LYST: variants seen among roughly 807,000 people sequenced by gnomAD.
LYST encodes lysosomal trafficking regulator.
LYST carries 192 observed loss-of-function variants against 413.6 expected under a neutral mutation model. That is an observed-to-expected ratio of 0.46 (90% CI 0.41 to 0.52). The LOEUF is 0.52. Among genes scored for constraint, LYST ranks in the 20% least tolerant of loss-of-function variants. The probability of loss-of-function intolerance (pLI) is 0.00; values close to 1 mark genes in which losing one functional copy is unlikely to be tolerated. For synonymous variants in LYST, 1,525 were observed against 1,567.3 expected (o/e 0.97, Z 0.64); for missense variants, 3,815 against 4,499.9 (o/e 0.85, Z 4.35).
At chr1:235,718,796 A>G (rs1663076137) in intron 40 of LYST, among the ~76,000 whole-genome samples, 1 of 152,224 alleles carries the variant, frequency 6.6e-6, no homozygotes, top group South Asian at 2.1e-4. Context: ...CTGTTCCTTT[A>G]ATTGCCAAAT....
At chr1:235,698,735 T>C (rs1422433469) in intron 45 of LYST, among the ~76,000 whole-genome samples, 1 of 151,838 alleles carries the variant, frequency 6.6e-6, no homozygotes, top group Non-Finnish European at 1.5e-5. Flanking sequence ...TAACTGGGCG[T>C]GGTGGCGGGT....
At chr1:235,866,686 A>G (rs1259048929) in intron 1 of LYST, among the ~76,000 whole-genome samples, 157 bp downstream of exon 1, 1 of 148,688 alleles carries the variant, frequency 6.7e-6, no homozygotes, top group Non-Finnish European at 1.5e-5. Context: ...CGTCAGGCCG[A>G]GTGCCCTCGC....
chr1:235,760,765 C>G (rs978625188), intron 22 of LYST, among the ~76,000 whole-genome samples: 4 of 152,200 alleles, frequency 2.6e-5, no homozygotes, highest in Non-Finnish European at 5.9e-5. Flanking sequence ...AGAGCATAGA[C>G]TCTGTGGCAA....
At chr1:235,873,300 C>T (rs1277084491) in intron 1 of LYST, among the ~76,000 whole-genome samples, 1 of 152,202 alleles carries the variant, frequency 6.6e-6, no homozygotes, top group Non-Finnish European at 1.5e-5. Flanking sequence ...GTTCTACTTT[C>T]ATATATAGAA....
intron 31 of LYST, chr1:235,735,386 A>G (rs1005699540): frequency 2.0e-5 from 3 of 152,138 alleles, no homozygotes; most frequent in Admixed American, 1.3e-4. Context: ...GTATGTATCC[A>G]TGGCAGAGTT....
At chr1:235,692,070 C>T (rs566102490) in intron 47 of LYST, among the ~76,000 whole-genome samples, 8 of 150,816 alleles carry the variant, frequency 5.3e-5, no homozygotes, top group African/African-American at 1.9e-4. Context: ...CAGTGGCTCA[C>T]GCATGTAATC....
At chr1:235,838,537 T>A (rs1191579311) in intron 1 of LYST, among the ~76,000 whole-genome samples, 1 of 152,240 alleles carries the variant, frequency 6.6e-6, no homozygotes, top group Non-Finnish European at 1.5e-5. Flanking sequence ...TCTTTAAAAA[T>A]GATCTCTAGA....
intron 3 of LYST, chr1:235,828,254 G>A: frequency 3.1e-6 from 2 of 638,882 alleles, no homozygotes; most frequent in Non-Finnish European, 3.9e-6. Flanking sequence ...ATTAGTGTTT[G>A]CTTAGGGGTA....
At chr1:235,734,317 A>AT (rs1367281680) in intron 32 of LYST, among the ~76,000 whole-genome samples, 166 bp downstream of exon 32, 2 of 152,212 alleles carry the variant, frequency 1.3e-5, no homozygotes, top group African/African-American at 2.4e-5. Context: ...AAATAAGCCT[A>AT]TTTTTTCTCA....
intron 43 of LYST, among the ~76,000 whole-genome samples, chr1:235,710,137 T>C (rs1662297390): frequency 6.6e-6 from 1 of 152,240 alleles, no homozygotes; most frequent in African/African-American, 2.4e-5. Flanking sequence ...ATTAAGTTGC[T>C]GTCTGTCTAC....
At position 235,806,449 on chromosome 1, in the gene LYST, T is replaced by C. The variant is rs139217636; in HGVS notation, c.2687A>G (p.Asn896Ser). Residue 896 changes from asparagine (N) to serine (S), a missense_variant, in exon 6 of 53, where the codon AAC (asparagine) becomes AGC (serine). Physicochemically the swap from Asn to Ser is conservative, Grantham distance 46. This residue lies in a region of LYST where 1,648 missense variants were observed against 1,810.3 expected (regional missense o/e 0.91). Coordinates refer to ENST00000389793, the MANE Select transcript of LYST (RefSeq NM_000081.4). The part of the protein sequence containing the change: ...RKTVNQDVHI[N>S]TINLFLCVAF... ...CACACAGAGGAATAGGTTTATTGTGTTGATATGAACATCTTGGTTAACAGT... is the reference window on the plus strand; with the variant it reads ...CACACAGAGGAATAGGTTTATTGTGCTGATATGAACATCTTGGTTAACAGT... 1.1e-5 allele frequency: 17 copies of C among 1,614,008 alleles called. No individual in the cohort carries two copies. Among genetic ancestry groups the C allele is most frequent in the Non-Finnish European group, 1.4e-5 (16 of 1,179,996 alleles).
At chr1:235,723,059 A>T (rs1398208166) in intron 39 of LYST, among the ~76,000 whole-genome samples, 4 of 152,240 alleles carry the variant, frequency 2.6e-5, no homozygotes, top group Non-Finnish European at 5.9e-5. Context: ...GGACAGAGCC[A>T]ACAGAACCTA....
rs757494655 is a variant in LYST, at chr1:235,774,927, A to T, written c.5620T>A (p.Phe1874Ile). 2.5e-6 allele frequency: 4 copies of T among 1,608,580 alleles called. No individual in the cohort carries two copies. The Admixed American group carries it at 6.7e-5, about 27-fold the overall frequency. ...TGAAGACATACCTTCAAAATGTAAA[A>T]CCCAACAATGCATTTTTGTTTGATC... ...VLIKQKCIVG[F>I]YILKTLLEGC... The change falls in exon 18 of 53, where the codon TTT (phenylalanine) becomes ATT (isoleucine). Residue 1874 changes from phenylalanine to isoleucine, a missense_variant. Phe to Ile is a conservative substitution (Grantham distance 21, BLOSUM62 0). Coordinates refer to ENST00000389793, the MANE Select transcript of LYST (RefSeq NM_000081.4).
In LYST at chr1:235,741,636, C is replaced by T. The variant is rs569497153; in HGVS notation, c.8152-8G>A. 6.2e-6 allele frequency: 10 copies of T among 1,601,886 alleles called. No homozygotes were observed. The East Asian group carries it at 2.0e-4, about 32-fold the overall frequency. ...ACTGGCTTTACTTGAACCCTAAAATCAATCAAGATAGGAATGAATTAGGAT... is the reference window on the plus strand; with the variant it reads ...ACTGGCTTTACTTGAACCCTAAAATTAATCAAGATAGGAATGAATTAGGAT... On this transcript the variant is annotated splice_region_variant and splice_polypyrimidine_tract_variant and intron_variant, in intron 30 of 52. Coordinates refer to ENST00000389793, the MANE Select transcript of LYST (RefSeq NM_000081.4).
chr1:235,871,990 T>TA (rs1246989561), intron 1 of LYST, among the ~76,000 whole-genome samples: 17 of 152,172 alleles, frequency 1.1e-4, no homozygotes, highest in African/African-American at 3.6e-4. Flanking sequence ...CAAATTTATT[T>TA]AATCAGAGTT....
chr1:235,780,922 A>G lies in LYST; in HGVS notation c.5157T>C (p.Cys1719=), dbSNP rs376645618. The G allele has an allele frequency of 1.0e-5, 16 of 1,591,488 alleles. No individual in the cohort carries two copies. The African/African-American group carries it at 2.0e-4, about 20-fold the overall frequency. Residue 1719 remains cysteine (C), a synonymous_variant, in exon 16 of 53, where the codon TGT becomes TGC. Coordinates refer to ENST00000389793, the MANE Select transcript of LYST (RefSeq NM_000081.4). Reference sequence around the variant, plus strand: ...TCATAAAAAGTTCTCTGATTTGTTCACATCGCAAAATTTCTTTATTAATAT... The same window carrying G: ...TCATAAAAAGTTCTCTGATTTGTTCGCATCGCAAAATTTCTTTATTAATAT... ...SKYINKEILR[C]EQIRELFMTK...
At position 235,808,828 on chromosome 1, in the gene LYST, A is replaced by G. The variant is rs1673144821; in HGVS notation, c.1990T>C (p.Ser664Pro). 1.9e-6 allele frequency: 3 copies of G among 1,613,980 alleles called. No homozygotes were observed. Among genetic ancestry groups the G allele is most frequent in the Non-Finnish European group, 2.5e-6 (3 of 1,180,026 alleles). Residue 664 changes from serine to proline, a missense_variant, in exon 5 of 53, where the codon TCC (serine) becomes CCC (proline). By Grantham distance (74) the Ser-to-Pro change is moderately conservative (BLOSUM62 -1). Transcript: ENST00000389793. ...TAAGAAGGACTGGATAAACTTGAGG[A>G]GAGTTCAGCATCACATAAGTTTCCC... ...LQGNLCDAEL[S>P]SSLSSPSYRF...
In LYST at chr1:235,800,320, C is replaced by G; in HGVS notation, c.4006G>C (p.Ala1336Pro). The G allele has an allele frequency of 6.4e-7, 1 of 1,566,286 alleles. No individual in the cohort carries two copies. Among genetic ancestry groups the G allele is most frequent in the East Asian group, 2.2e-5 (1 of 44,562 alleles). ...ATTGTTTAAAACAGTTTCAACTTAC[C>G]TTGAAAATCAGAATCATCCTGTGTT... is the stretch of plus-strand genomic sequence containing the variant. ...ILTQDDSDFQ[A>P]CQRVLVDLLV... is the part of the protein sequence containing the mutation. Residue 1336 changes from alanine (A) to proline (P), a missense_variant and splice_region_variant, in exon 10 of 53, where the codon GCA (alanine) becomes CCA (proline). Transcript: ENST00000389793.
chr1:235,770,405 G>T, intron 19 of LYST, 108 bp from the exon 20 acceptor site: 3 of 999,428 alleles, frequency 3.0e-6, no homozygotes, highest in Non-Finnish European at 4.8e-6. Flanking sequence ...TATATATTCA[G>T]TATCAAAGAT....
Sources: allele counts gnomAD v4.1 joint callset (sites outside exome capture counted in the v4.1 genomes callset), GRCh38; gene constraint gnomAD v4.1.1; regional missense constraint gnomAD v4.1.1; transcripts MANE v1.5; gene names NCBI Gene and HGNC (gene_info 2026-07-23, HGNC 2026-07-21).